The following DCPS variants were observed in gnomAD, a reference collection of about 807,000 sequenced individuals.
The protein encoded by DCPS is m7GpppX diphosphatase.
In DCPS, 27 loss-of-function variants were observed where a neutral mutation model predicts 34.7. The ratio of observed to expected loss-of-function variants is 0.78; its 90% CI spans 0.57 to 1.07. The LOEUF (loss-of-function observed/expected upper bound fraction) is 1.07. Among genes scored for constraint, DCPS ranks in the 50% least tolerant of loss-of-function variants. The pLI is 0.00. For missense variants in DCPS, 464 were observed against 436.9 expected (o/e 1.06, Z -0.55); for synonymous variants, 185 against 185.7 (o/e 1.00, Z 0.03).
intron 2 of DCPS, among the ~76,000 whole-genome samples, chr11:126,330,171 C>T (rs667469): frequency 0.24 from 36,975 of 151,974 alleles, 4,530 homozygotes; most frequent in Admixed American, 0.26. Context: ...TGCTTCTCAC[C>T]TGGGGACACT....
At position 126,320,263 on chromosome 11, in the gene DCPS, G is replaced by C. The variant is rs1255812258; in HGVS notation, c.377-11142G>C. 6.6e-6 allele frequency among the ~76,000 whole-genome samples: 1 copy of C among 152,306 alleles called. No individual in the cohort carries two copies. The highest frequency in any genetic ancestry group is 1.5e-5 in the Non-Finnish European group (1 of 68,032). On this transcript the variant is annotated intron_variant, in intron 2 of 5. Coordinates refer to ENST00000263579, the MANE Select transcript of DCPS (RefSeq NM_014026.6). The surrounding 1 kb of genome is among the most constrained non-coding windows in gnomAD (Gnocchi z 4.7). ...TGTTATCTTAGGCACTGCACACACA[G>C]TGTACGAAACAGAGTCCCTGCTCTC...
rs1247785669 is a variant in DCPS at position 126,333,329 on chromosome 11, C to T, written c.522+1779C>T. Among the ~76,000 whole-genome samples the T allele has an allele frequency of 6.6e-6, 1 of 152,184 alleles. No individual in the cohort carries two copies. Among genetic ancestry groups the T allele is most frequent in the Non-Finnish European group, 1.5e-5 (1 of 68,026 alleles). On this transcript the variant is annotated intron_variant, in intron 3 of 5. Transcript: ENST00000263579. This position sits in a 1 kb window ranked among gnomAD's most constrained non-coding sequence, Gnocchi z 5.7. Reference sequence around the variant, plus strand: ...ATGTTTACTGAGTACCTACTATGGACCTGGTCCTATGCCAGGCTTTGGAGA... The same window carrying T: ...ATGTTTACTGAGTACCTACTATGGATCTGGTCCTATGCCAGGCTTTGGAGA...
rs1242373124 is a variant in DCPS, at chr11:126,313,139, TC to T, written c.376+6399del. ...GCTGCCTCTTCAAAGGCCAATTGTT[TC>T]CCCGTGTAAACCAGGAGGTGAAATC... On this transcript the variant is annotated intron_variant, in intron 2 of 5. Coordinates refer to ENST00000263579, the MANE Select transcript of DCPS (RefSeq NM_014026.6). This position sits in a 1 kb window ranked among gnomAD's most constrained non-coding sequence, Gnocchi z 4.9. 2.0e-5 allele frequency among the ~76,000 whole-genome samples: 2 copies of T among 99,644 alleles called. No homozygotes were observed. The highest frequency in any genetic ancestry group is 8.6e-4 in the South Asian group (2 of 2,334). 65.4% of individuals were successfully genotyped at this position (99,644 alleles called of 152,430 possible).
Position 126,345,542 on chromosome 11 carries a change from C to A in DCPS, c.943C>A (p.Arg315Ser). 6.2e-7 allele frequency: 1 copy of A among 1,613,920 alleles called. No homozygotes were observed. Among genetic ancestry groups the A allele is most frequent in the Non-Finnish European group, 8.5e-7 (1 of 1,180,014 alleles). The change falls in exon 6 of 6, where the codon CGC (arginine) becomes AGC (serine). Residue 315 changes from arginine (R) to serine (S), a missense_variant. Arg to Ser is a moderately radical substitution (Grantham distance 110). Coordinates refer to ENST00000263579, the MANE Select transcript of DCPS (RefSeq NM_014026.6). The surrounding 1 kb of genome is among the most constrained non-coding windows in gnomAD (Gnocchi z 7.4). ...LECDPRHYQQRTLTFALRADD... is the reference protein window; with the variant it reads ...LECDPRHYQQSTLTFALRADD... ...GTGTGACCCTAGGCACTACCAGCAG[C>A]GCACGCTCACCTTCGCCCTCAGGGC...
intron 2 of DCPS, among the ~76,000 whole-genome samples, chr11:126,310,474 G>C (rs1242366210): frequency 6.6e-6 from 1 of 152,202 alleles, no homozygotes; most frequent in Admixed American, 6.5e-5. Context: ...TCACAGTCTT[G>C]TTTGGGGTCA....
rs533484332 is a variant in DCPS at position 126,347,828 on chromosome 11, G to A, written c.*2215G>A. 6.6e-5 allele frequency among the ~76,000 whole-genome samples: 10 copies of A among 152,226 alleles called. No homozygotes were observed. The highest frequency in any genetic ancestry group is 6.8e-3 in the Middle Eastern group (2 of 294). On this transcript the variant is annotated 3_prime_UTR_variant, in exon 6 of 6. Coordinates refer to ENST00000263579, the MANE Select transcript of DCPS (RefSeq NM_014026.6). The surrounding 1 kb of genome is among the most constrained non-coding windows in gnomAD (Gnocchi z 4.2). ...CAGGTCCAGGGGAAAGAAGTGACCC[G>A]CTTCCCCTCTGAAAGCAGATGTGGT...
intron 2 of DCPS, among the ~76,000 whole-genome samples, chr11:126,314,816 A>G (rs908888143): frequency 6.6e-6 from 1 of 152,124 alleles, no homozygotes; most frequent in African/African-American, 2.4e-5. Context: ...TAAGAATGAT[A>G]CATGGGACTT....
At chr11:126,306,418 A>G in intron 1 of DCPS, 152 bp from the exon 2 acceptor site, 1 of 693,770 alleles carries the variant, frequency 1.4e-6, no homozygotes, top group African/African-American at 1.8e-5. Context: ...GTGAAATGTG[A>G]GTGCCATTGG....
Position 126,338,713 on chromosome 11 carries a change from C to T in DCPS, c.636+314C>T, listed in dbSNP as rs1024005608. Among the ~76,000 whole-genome samples, 3 of 152,228 alleles carry T rather than the reference C, an allele frequency of 2.0e-5. No individual in the cohort carries two copies. Among genetic ancestry groups the T allele is most frequent in the Non-Finnish European group, 4.4e-5 (3 of 68,036 alleles). On this transcript the variant is annotated intron_variant, in intron 4 of 5. Transcript: ENST00000263579. The surrounding 1 kb of genome is among the most constrained non-coding windows in gnomAD (Gnocchi z 5.4). ...GTCTGGGCAGCCACCTGTGCTTCCA[C>T]CCGCATCTGGAGCCCTCGGGTGGGG...
intron 4 of DCPS, among the ~76,000 whole-genome samples, chr11:126,339,908 C>T (rs763249701): frequency 4.6e-5 from 7 of 152,164 alleles, no homozygotes; most frequent in East Asian, 1.9e-4. Flanking sequence ...CGGGGCCCAC[C>T]GTTAATGAGA....
Position 126,345,405 on chromosome 11 carries a change from A to C in DCPS, c.806A>C (p.Tyr269Ser), listed in dbSNP as rs1951912219. Residue 269 changes from tyrosine (Y) to serine (S), a missense_variant, in exon 6 of 6, where the codon TAC becomes TCC. By Grantham distance (144) the Tyr-to-Ser change is moderately radical. Coordinates refer to ENST00000263579, the MANE Select transcript of DCPS (RefSeq NM_014026.6). The surrounding 1 kb of genome is among the most constrained non-coding windows in gnomAD (Gnocchi z 7.4). ...KGDHLRVYLHYLPSYYHLHVH... is the reference protein window; with the variant it reads ...KGDHLRVYLHSLPSYYHLHVH... Reference sequence around the variant, plus strand: ...GACCATCTGCGAGTATACCTGCACTACCTGCCCTCCTACTACCACCTGCAT... The same window carrying C: ...GACCATCTGCGAGTATACCTGCACTCCCTGCCCTCCTACTACCACCTGCAT... The C allele has an allele frequency of 6.2e-7, 1 of 1,614,056 alleles. No homozygotes were observed. Among genetic ancestry groups the C allele is most frequent in the Non-Finnish European group, 8.5e-7 (1 of 1,180,026 alleles).
rs1172053308 is a variant in DCPS at position 126,320,087 on chromosome 11, A to C, written c.377-11318A>C. Among the ~76,000 whole-genome samples the C allele has an allele frequency of 2.0e-5, 3 of 148,212 alleles. No homozygotes were observed. Among genetic ancestry groups the C allele is most frequent in the African/African-American group, 7.5e-5 (3 of 39,858 alleles). ...GCGGTCTTGACTCTCCATCTTTACC[A>C]TCCTGGCCAGGCTGGTCTCAAACTC... On this transcript the variant is annotated intron_variant, in intron 2 of 5. Transcript: ENST00000263579. This position sits in a 1 kb window ranked among gnomAD's most constrained non-coding sequence, Gnocchi z 4.7.
Position 126,331,575 on chromosome 11 carries a change from C to A in DCPS, c.522+25C>A. 1 of 1,611,752 alleles carries A rather than the reference C, an allele frequency of 6.2e-7. No individual in the cohort carries two copies. Among genetic ancestry groups the A allele is most frequent in the Non-Finnish European group, 8.5e-7 (1 of 1,178,714 alleles). On this transcript the variant is annotated intron_variant, in intron 3 of 5. Coordinates refer to ENST00000263579, the MANE Select transcript of DCPS (RefSeq NM_014026.6). The surrounding 1 kb of genome is among the most constrained non-coding windows in gnomAD (Gnocchi z 7.2). The stretch of plus-strand genomic sequence containing the variant: ...GGTGACTGGCTGCATGTCTCAGACG[C>A]AGAGCACTGCTCCCGTGGCTGGTGC...
chr11:126,308,627 G>A (rs926178198), intron 2 of DCPS, among the ~76,000 whole-genome samples: 2 of 152,184 alleles, frequency 1.3e-5, no homozygotes, highest in African/African-American at 4.8e-5. Context: ...AGAAGGCACC[G>A]TGGCCAAACA....
Position 126,312,797 on chromosome 11 carries a change from AT to A in DCPS, c.376+6060del, listed in dbSNP as rs1415298507. The stretch of plus-strand genomic sequence containing the variant: ...AAGTGTAATTATGGTGTTGCCTCTT[AT>A]TTTTTTCCACCTTTCAATTTATGTG... On this transcript the variant is annotated intron_variant, in intron 2 of 5. Coordinates refer to ENST00000263579, the MANE Select transcript of DCPS (RefSeq NM_014026.6). The surrounding 1 kb of genome is among the most constrained non-coding windows in gnomAD (Gnocchi z 5.1). 6.6e-6 allele frequency among the ~76,000 whole-genome samples: 1 copy of A among 152,046 alleles called. No individual in the cohort carries two copies. The highest frequency in any genetic ancestry group is 2.4e-5 in the African/African-American group (1 of 41,390).
In DCPS at chr11:126,342,808, G is replaced by A. The variant is rs568646368; in HGVS notation, c.637-499G>A. The stretch of plus-strand genomic sequence containing the variant: ...GCATATAGAACTCTCTGCTGGGCGC[G>A]GTGGCTCACGCCTGTAATCCCAGCA... On this transcript the variant is annotated intron_variant, in intron 4 of 5. Coordinates refer to ENST00000263579, the MANE Select transcript of DCPS (RefSeq NM_014026.6). This position sits in a 1 kb window ranked among gnomAD's most constrained non-coding sequence, Gnocchi z 4.4. Among the ~76,000 whole-genome samples, 6 of 152,212 alleles carry A rather than the reference G, an allele frequency of 3.9e-5. No individual in the cohort carries two copies. The East Asian group carries it at 5.8e-4, about 15-fold the overall frequency.
In DCPS at chr11:126,334,327, CATTTATTT is replaced by C. The variant is rs201995739; in HGVS notation, c.522+2789_522+2796del. On this transcript the variant is annotated intron_variant, in intron 3 of 5. Transcript: ENST00000263579. This position sits in a 1 kb window ranked among gnomAD's most constrained non-coding sequence, Gnocchi z 5.5. ...CTAAGCATTTATGCGCATCACACCT[CATTTATTT>C]ATTTATTTATTATTTATTTATTTTT... 1.3e-5 allele frequency among the ~76,000 whole-genome samples: 2 copies of C among 151,970 alleles called. No homozygotes were observed. Among genetic ancestry groups the C allele is most frequent in the African/African-American group, 4.8e-5 (2 of 41,326 alleles).
chr11:126,346,051 A>T lies in DCPS; in HGVS notation c.*438A>T, dbSNP rs991278210. Among the ~76,000 whole-genome samples, 20 of 152,034 alleles carry T rather than the reference A, an allele frequency of 1.3e-4. No homozygotes were observed. The highest frequency in any genetic ancestry group is 2.9e-4 in the Non-Finnish European group (20 of 68,016). On this transcript the variant is annotated 3_prime_UTR_variant, in exon 6 of 6. Coordinates refer to ENST00000263579, the MANE Select transcript of DCPS (RefSeq NM_014026.6). This position sits in a 1 kb window ranked among gnomAD's most constrained non-coding sequence, Gnocchi z 4.1. Reference sequence around the variant, plus strand: ...CTCTCCTTTGAGGAGTTCCCCAAAAAACCAAACTTGGAAGCTTTCAGGAAA... The same window carrying T: ...CTCTCCTTTGAGGAGTTCCCCAAAATACCAAACTTGGAAGCTTTCAGGAAA...
chr11:126,340,326 CTT>C (rs113328795), intron 4 of DCPS, among the ~76,000 whole-genome samples: 6 of 145,978 alleles, frequency 4.1e-5, no homozygotes, highest in Non-Finnish European at 4.6e-5. Flanking sequence ...TTGCTTAATT[CTT>C]TTTTTTTTTT....
Sources: allele counts gnomAD v4.1 joint callset (sites outside exome capture counted in the v4.1 genomes callset), GRCh38; gene constraint gnomAD v4.1.1; non-coding constraint Gnocchi (gnomAD v3.1); transcripts MANE v1.5; gene names NCBI Gene and HGNC (gene_info 2026-07-23, HGNC 2026-07-21).